TENM1: variants seen among roughly 807,000 people sequenced by gnomAD.
TENM1 encodes the protein teneurin transmembrane protein 1.
A neutral mutation model predicts 174.8 loss-of-function variants in TENM1; 35 were observed. That is an observed-to-expected ratio of 0.20 (90% CI 0.15 to 0.27). TENM1 has a LOEUF of 0.27. Among genes scored for constraint, TENM1 ranks in the 10% least tolerant of loss-of-function variants. TENM1 has a pLI of 1.00. For synonymous variants in TENM1, 781 were observed against 798.7 expected, an observed-to-expected ratio of 0.98 and a Z score of 0.37; for missense variants, 1,633 against 2,130.1, an observed-to-expected ratio of 0.77 and a Z score of 4.59.
intron 11 of TENM1, among the ~76,000 whole-genome samples, chrX:124,625,903 G>A (rs1284279527): frequency 9.0e-6 from 1 of 110,971 alleles, no homozygotes; most frequent in African/African-American, 3.3e-5. Context: ...GAGATTTGGT[G>A]GGGACGCAGA....
chrX:124,457,903 GA>G (rs2147861344), intron 22 of TENM1, among the ~76,000 whole-genome samples: 1 of 111,776 alleles, frequency 8.9e-6, no homozygotes, highest in East Asian at 2.8e-4. Context: ...ATAAGCTTTG[GA>G]AAGCAGTCAT....
At chrX:125,046,186 A>T in the TENM1 span, among the ~76,000 whole-genome samples, 1 of 112,076 alleles carries the variant, frequency 8.9e-6, no homozygotes, top group South Asian at 3.7e-4. Flanking sequence ...CTACATACAA[A>T]TATATTACCC....
At chrX:124,840,923 C>T (rs976624510) in intron 3 of TENM1, among the ~76,000 whole-genome samples, 7 of 111,895 alleles carry the variant, frequency 6.3e-5, no homozygotes, top group Non-Finnish European at 1.3e-4. Context: ...TGCCATTTTA[C>T]TTTTACATTT....
intron 11 of TENM1, among the ~76,000 whole-genome samples, chrX:124,622,539 C>A (rs1350829629): frequency 8.9e-6 from 1 of 112,337 alleles, no homozygotes; most frequent in Non-Finnish European, 1.9e-5. Flanking sequence ...CATATGTTTT[C>A]TTTTCATTGA....
At position 124,755,348 on chromosome X, in the gene TENM1, T is replaced by C. The variant is rs188902025; in HGVS notation, c.536-18151A>G. Among the ~76,000 whole-genome samples the C allele has an allele frequency of 3.3e-3, 372 of 111,422 alleles. 4 individuals carry two copies. Among genetic ancestry groups the C allele is most frequent in the African/African-American group, 0.01 (312 of 30,557 alleles). On this transcript the variant is annotated intron_variant, in intron 3 of 31. Transcript: ENST00000422452. ...TTGTTTTCCATTTGCTTGGTAGATC[T>C]TCCTCCATCCTTTTATTTTCAGGCT...
At chrX:124,760,615 C>T (rs183359285) in intron 3 of TENM1, among the ~76,000 whole-genome samples, 1,455 of 111,874 alleles carry the variant, frequency 0.013, 19 homozygotes, top group Non-Finnish European at 0.022. Flanking sequence ...TAGGCAATAC[C>T]ATTCAGGACA....
intron 20 of TENM1, among the ~76,000 whole-genome samples, chrX:124,496,426 G>A (rs1311523399): frequency 3.6e-5 from 4 of 111,448 alleles, no homozygotes; most frequent in African/African-American, 1.3e-4. Context: ...CCTTACAAAA[G>A]GTGTCAAAAT....
chrX:124,778,108 TA>T (rs1428665313), intron 3 of TENM1, among the ~76,000 whole-genome samples: 1 of 113,311 alleles, frequency 8.8e-6, no homozygotes, highest in Non-Finnish European at 1.9e-5. Context: ...CCAGGATATT[TA>T]ATTGTTCTCT....
chrX:125,073,947 C>T, the TENM1 span, among the ~76,000 whole-genome samples: 1 of 111,872 alleles, frequency 8.9e-6, no homozygotes, highest in East Asian at 2.8e-4. Context: ...TAAAATTTAG[C>T]AGAATTAGGA....
intron 18 of TENM1, among the ~76,000 whole-genome samples, chrX:124,512,039 G>A (rs779064958): frequency 1.7e-4 from 19 of 111,922 alleles, no homozygotes; most frequent in Admixed American, 1.3e-3. Flanking sequence ...TACTAACAGC[G>A]GATGGCTGAT....
Position 124,651,899 on chromosome X carries a change from G to A in TENM1, c.1579+15C>T. On this transcript the variant is annotated intron_variant, in intron 8 of 31. Coordinates refer to ENST00000422452, the Ensembl canonical transcript of TENM1. ...GTTGAACTGTCAATTCAACATATTA[G>A]GCAAAGCAGCTTACCAATTGCTGTA... 1 of 1,204,649 alleles carries A rather than the reference G, an allele frequency of 8.3e-7. No homozygotes were observed.
intron 11 of TENM1, among the ~76,000 whole-genome samples, chrX:124,610,170 C>T (rs1490463762): frequency 8.9e-6 from 1 of 112,106 alleles, no homozygotes; most frequent in Non-Finnish European, 1.9e-5. Flanking sequence ...AACAGAGGCC[C>T]AGGCTAATTT....
At chrX:125,112,521 A>C in the TENM1 span, among the ~76,000 whole-genome samples, 2 of 111,302 alleles carry the variant, frequency 1.8e-5, no homozygotes, top group East Asian at 2.8e-4. Context: ...CATTGAGGAG[A>C]ATATATGCCT....
At chrX:124,644,268 G>C (rs1243764584) in intron 10 of TENM1, among the ~76,000 whole-genome samples, 1 of 103,950 alleles carries the variant, frequency 9.6e-6, no homozygotes, top group East Asian at 3.0e-4. Flanking sequence ...TATCGCTAAT[G>C]GGAGGTGAAA....
chrX:124,880,032 C>A (rs1210358102), intron 3 of TENM1, among the ~76,000 whole-genome samples: 1 of 111,555 alleles, frequency 9.0e-6, no homozygotes, highest in Admixed American at 9.5e-5. Flanking sequence ...GCTACTCAGG[C>A]TTTTTTTGGT....
intron 18 of TENM1, among the ~76,000 whole-genome samples, chrX:124,511,366 G>A (rs922885599): frequency 8.9e-6 from 1 of 112,001 alleles, no homozygotes; most frequent in Non-Finnish European, 1.9e-5. Context: ...GAATTCATGA[G>A]TGGAGAGAAA....
chrX:124,588,712 A>G (rs2049630559), intron 11 of TENM1, among the ~76,000 whole-genome samples: 1 of 111,327 alleles, frequency 9.0e-6, no homozygotes, highest in African/African-American at 3.3e-5. Context: ...ATAAAAATAA[A>G]AAAAGAAATG....
At chrX:125,093,360 A>G in the TENM1 span, among the ~76,000 whole-genome samples, 1 of 111,598 alleles carries the variant, frequency 9.0e-6, no homozygotes, top group Non-Finnish European at 1.9e-5. Context: ...TTATATAAGA[A>G]ATGGTTCTCT....
chrX:124,777,143 A>G (rs909128403), intron 3 of TENM1, among the ~76,000 whole-genome samples: 1 of 111,466 alleles, frequency 9.0e-6, no homozygotes, highest in Admixed American at 9.5e-5. Flanking sequence ...TAAAAGTTGG[A>G]ATTATTTAAA....
Sources: allele counts gnomAD v4.1 joint callset (sites outside exome capture counted in the v4.1 genomes callset), GRCh38; gene constraint gnomAD v4.1.1; transcripts MANE v1.5; gene names NCBI Gene and HGNC (gene_info 2026-07-23, HGNC 2026-07-21).